DPPA4: variants seen among roughly 807,000 people sequenced by gnomAD.
DPPA4 encodes the protein developmental pluripotency associated 4.
A neutral mutation model predicts 33.7 loss-of-function variants in DPPA4; 22 were observed. That is an observed-to-expected ratio of 0.65 (90% confidence interval 0.47 to 0.93). The LOEUF (loss-of-function observed/expected upper bound fraction) is 0.93, where lower values mean the gene tolerates loss of function less well. Ranked by LOEUF, DPPA4 falls within the 40% of genes least tolerant of loss-of-function variation. DPPA4 has a pLI of 0.00. For synonymous variants in DPPA4, 156 were observed against 132.3 expected, an observed-to-expected ratio of 1.18 and a Z score of -1.23; for missense variants, 340 against 358.6, an observed-to-expected ratio of 0.95 and a Z score of 0.42.
chr3:109,332,368 T>C (rs572884578), intron 2 of DPPA4, among the ~76,000 whole-genome samples: 2 of 152,118 alleles, frequency 1.3e-5, no homozygotes, highest in Admixed American at 1.3e-4. Flanking sequence ...CCCAAAGTTC[T>C]GAGATTACAG....
At chr3:109,336,647 TCCTGTTACCATTTC>T (rs1432128400) in intron 1 of DPPA4, among the ~76,000 whole-genome samples, 1 of 152,192 alleles carries the variant, frequency 6.6e-6, no homozygotes. Flanking sequence ...CACCCTTTTC[TCCTGTTACCATTTC>T]CCTCTAGCCC....
At position 109,337,528 on chromosome 3, in the gene DPPA4, T is replaced by C. The variant is rs1405386812; in HGVS notation, c.-11A>G. On this transcript the variant is annotated 5_prime_UTR_variant, in exon 1 of 7. Transcript: ENST00000335658. ...GGAGCCTCGCAACATGCTTCCAAAA[T>C]GGCCCCTGCCCCAAGATTGCTATTT... is the stretch of plus-strand genomic sequence containing the variant. 2 of 1,614,102 alleles carry C rather than the reference T, an allele frequency of 1.2e-6. No individual in the cohort carries two copies. The highest frequency in any genetic ancestry group is 1.6e-4 in the Middle Eastern group (1 of 6,062).
intron 1 of DPPA4, among the ~76,000 whole-genome samples, chr3:109,336,926 T>C (rs1708226759): frequency 6.6e-6 from 1 of 152,062 alleles, no homozygotes; most frequent in Admixed American, 6.5e-5. Context: ...TGAGGTGGAG[T>C]TTCGCTCTGG....
upstream of DPPA4, chr3:109,337,611 C>G (rs973569167): frequency 9.7e-7 from 1 of 1,032,706 alleles, no homozygotes; most frequent in African/African-American, 1.6e-5. Context: ...CACCTCACCT[C>G]TTCTTTTCTT....
chr3:109,332,724 G>C (rs1420287380), intron 2 of DPPA4, among the ~76,000 whole-genome samples: 1 of 152,190 alleles, frequency 6.6e-6, no homozygotes, highest in African/African-American at 2.4e-5. Context: ...TGGTTTCATA[G>C]CAGGTATGTT....
chr3:109,329,764 G>T (rs1708018191), intron 5 of DPPA4: 1 of 152,484 alleles, frequency 6.6e-6, no homozygotes, highest in African/African-American at 2.4e-5. Flanking sequence ...AACATATAAG[G>T]TAGGTATTAC....
At chr3:109,333,688 G>GT (rs1708132506) in intron 2 of DPPA4, 182 bp downstream of exon 2, 1 of 586,648 alleles carries the variant, frequency 1.7e-6, no homozygotes, top group Non-Finnish European at 2.9e-6. Flanking sequence ...GAAGGGATCA[G>GT]TTAGAGCAGT....
intron 5 of DPPA4, 114 bp downstream of exon 5, chr3:109,330,410 A>G (rs1482199786): frequency 1.7e-6 from 2 of 1,186,122 alleles, no homozygotes; most frequent in African/African-American, 1.5e-5. Context: ...GGCAGGGTCC[A>G]GGAATCACCG....
At chr3:109,329,664 T>C (rs960858466) in intron 5 of DPPA4, 1 of 154,232 alleles carries the variant, frequency 6.5e-6, no homozygotes, top group African/African-American at 2.4e-5. Context: ...AAGGGCTTCA[T>C]GAAATAAGCT....
chr3:109,330,688 G>C lies in DPPA4; in HGVS notation c.515C>G (p.Pro172Arg). Residue 172 changes from proline (P) to arginine (R), a missense_variant, in exon 5 of 7, where the codon CCT becomes CGT. By Grantham distance (103) the Pro-to-Arg change is moderately radical (BLOSUM62 -2). Coordinates refer to ENST00000335658, the MANE Select transcript of DPPA4 (RefSeq NM_018189.4). ...TTCCAGGGCAGGCGGCTCCCCCACA[G>C]GAGGAAGAGCCACTTCAGGAGGATG... ...ETHPPEVALPPVGEPPALENS... is the reference protein window; with the variant it reads ...ETHPPEVALPRVGEPPALENS... The C allele has an allele frequency of 2.5e-6, 4 of 1,614,162 alleles. No individual in the cohort carries two copies. Among genetic ancestry groups the C allele is most frequent in the Non-Finnish European group, 3.4e-6 (4 of 1,180,010 alleles).
Position 109,330,822 on chromosome 3 carries a change from G to C in DPPA4, c.391-10C>G. On this transcript the variant is annotated splice_polypyrimidine_tract_variant and intron_variant, in intron 4 of 6. Transcript: ENST00000335658. The stretch of plus-strand genomic sequence containing the variant: ...CTGTGCTAGGAAAATCCTACAAAAA[G>C]GGTTAAATAATAAAGATAAAAATAC... The C allele has an allele frequency of 6.3e-7, 1 of 1,581,464 alleles. No individual in the cohort carries two copies. Among genetic ancestry groups the C allele is most frequent in the South Asian group, 1.2e-5 (1 of 85,198 alleles).
At position 109,330,806 on chromosome 3, in the gene DPPA4, G is replaced by A. The variant is rs267599537; in HGVS notation, c.397C>T (p.Pro133Ser). The change falls in exon 5 of 7, where the codon CCT (proline) becomes TCT (serine). Residue 133 changes from proline to serine, a missense_variant. Coordinates refer to ENST00000335658, the MANE Select transcript of DPPA4 (RefSeq NM_018189.4). ...ATTTTGGCCTCTTTTGCTGTGCTAG[G>A]AAAATCCTACAAAAAGGGTTAAATA... is the stretch of plus-strand genomic sequence containing the variant. ...AFAYPNQKDF[P>S]STAKEAKIRK... The A allele has an allele frequency of 1.9e-6, 3 of 1,598,584 alleles. No homozygotes were observed. The highest frequency in any genetic ancestry group is 2.6e-6 in the Non-Finnish European group (3 of 1,174,652).
rs370409448 is a variant in DPPA4, at chr3:109,332,002, T to G, written c.208A>C (p.Thr70Pro). The G allele has an allele frequency of 5.0e-6, 8 of 1,613,998 alleles. No homozygotes were observed. The highest frequency in any genetic ancestry group is 5.9e-6 in the Non-Finnish European group (7 of 1,179,900). The part of the protein sequence containing the change: ...VLCPKKKAEH[T>P]DNPRPQKKIP... Reference sequence around the variant, plus strand: ...TTCTTCTGAGGTCTGGGGTTGTCAGTGTGCTCTGCCTTTTTCTTAGGGCAG... The same window carrying G: ...TTCTTCTGAGGTCTGGGGTTGTCAGGGTGCTCTGCCTTTTTCTTAGGGCAG... Residue 70 changes from threonine (T) to proline (P), a missense_variant, in exon 3 of 7, where the codon ACT becomes CCT. Physicochemically the swap from Thr to Pro is conservative, Grantham distance 38. Transcript: ENST00000335658.
chr3:109,331,564 A>AAAG (rs1553697017), intron 4 of DPPA4, among the ~76,000 whole-genome samples, 170 bp downstream of exon 4: 14,612 of 98,704 alleles, frequency 0.15, 374 homozygotes, highest in East Asian at 0.3. Flanking sequence ...AAAAAAAAAA[A>AAAG]AAAGAAAGAA....
rs369745116 is a variant in DPPA4 at position 109,327,944 on chromosome 3, T to C, written c.*44A>G. 1.6e-5 allele frequency: 22 copies of C among 1,414,058 alleles called. No homozygotes were observed. In the Admixed American group the frequency reaches 2.4e-4, roughly 15 times the overall value. The allele number at this position is 1,414,058 out of a possible 1,614,324, so 87.6% of individuals were successfully genotyped here. A position where few individuals can be genotyped will look rare whatever the true frequency, so the allele number is the denominator to read the frequency against. ...CACCGCAGAATCCAACTCTCCAGCT[T>C]TTCTGCCATTAATTACCATAGATGT... On this transcript the variant is annotated 3_prime_UTR_variant, in exon 7 of 7. Transcript: ENST00000335658.
intron 2 of DPPA4, 134 bp from the exon 3 acceptor site, chr3:109,332,165 G>A (rs1255090972): frequency 1.6e-5 from 11 of 698,460 alleles, no homozygotes; most frequent in Non-Finnish European, 1.8e-5. Context: ...GCAGTGGCGC[G>A]ATCTTGGCTC....
chr3:109,338,280 T>C (rs995105385), upstream of DPPA4, among the ~76,000 whole-genome samples: 1 of 152,230 alleles, frequency 6.6e-6, no homozygotes, highest in Non-Finnish European at 1.5e-5. Context: ...GTCATTATTG[T>C]TCCCCATTTT....
rs755634261 is a variant in DPPA4, at chr3:109,337,467, C to CTTGCCTT, written c.44_50dup (p.Glu18ArgfsTer19). ...AATCCACTAAAACTGTACTGACCTCCTTGCCTTTTGCCTTCTCCATACTTG... is the reference window on the plus strand; with the variant it reads ...AATCCACTAAAACTGTACTGACCTCCTTGCCTTTTGCCTTTTGCCTTCTCCATACTTG... On this transcript the variant is annotated frameshift_variant, in exon 1 of 7. Transcript: ENST00000335658. LOFTEE classifies it high-confidence loss of function. 5.4e-5 allele frequency: 87 copies of CTTGCCTT among 1,614,048 alleles called. No individual in the cohort carries two copies. The highest frequency in any genetic ancestry group is 7.1e-5 in the Non-Finnish European group (84 of 1,179,942).
Position 109,336,123 on chromosome 3 carries a change from C to T in DPPA4, c.54+1341G>A, listed in dbSNP as rs1283010891. ...AGCCGAGATCGGCTACTGCACACCA[C>T]TCTGGGCGACAGAGTCAAACTCATT... On this transcript the variant is annotated intron_variant, in intron 1 of 6. Transcript: ENST00000335658. 3.3e-5 allele frequency among the ~76,000 whole-genome samples: 5 copies of T among 151,616 alleles called. No individual in the cohort carries two copies. In the East Asian group the frequency reaches 7.9e-4, roughly 24 times the overall value.
Sources: allele counts gnomAD v4.1 joint callset (sites outside exome capture counted in the v4.1 genomes callset), GRCh38; gene constraint gnomAD v4.1.1; transcripts MANE v1.5; gene names NCBI Gene and HGNC (gene_info 2026-07-23, HGNC 2026-07-21).